CHST11: variants seen among roughly 807,000 people sequenced by gnomAD.
The protein encoded by CHST11 is C4S-1.
Under a neutral mutation model 30.4 loss-of-function variants are expected in CHST11, and 9 were observed. That is an observed-to-expected ratio of 0.30 (90% CI 0.18 to 0.52). The LOEUF is 0.52. Among genes scored for constraint, CHST11 ranks in the 20% least tolerant of loss-of-function variants. The pLI, the probability that CHST11 is intolerant of heterozygous loss-of-function variation, is 0.97. For missense variants in CHST11, 348 were observed against 460.6 expected, an observed-to-expected ratio of 0.76 and a Z score of 2.24; for synonymous variants, 152 against 187.8, an observed-to-expected ratio of 0.81 and a Z score of 1.56.
At chr12:104,727,834 C>T (rs900119089) in intron 2 of CHST11, among the ~76,000 whole-genome samples, 2 of 152,088 alleles carry the variant, frequency 1.3e-5, no homozygotes, top group African/African-American at 2.4e-5. Flanking sequence ...GATAAGGAGA[C>T]GGTTAGAGAA....
rs74476108 is a variant in CHST11, at chr12:104,477,406, C to T, written c.118+19877C>T. 2.3e-3 allele frequency among the ~76,000 whole-genome samples: 350 copies of T among 152,226 alleles called. 2 individuals carry two copies. The highest frequency in any genetic ancestry group is 7.9e-3 in the African/African-American group (328 of 41,522). On this transcript the variant is annotated intron_variant, in intron 1 of 2. Transcript: ENST00000303694. ...TCTGCAAAGCGTGGGCTGGCATCTG[C>T]GAGAAAAATTTCTTTTTGTGATTTA...
intron 1 of CHST11, among the ~76,000 whole-genome samples, chr12:104,510,398 T>G (rs935446341): frequency 6.6e-6 from 1 of 152,192 alleles, no homozygotes; most frequent in African/African-American, 2.4e-5. Flanking sequence ...AATTTATGCA[T>G]GATGAAGATA....
At chr12:104,595,503 G>A (rs145365351) in intron 1 of CHST11, among the ~76,000 whole-genome samples, 10 of 152,206 alleles carry the variant, frequency 6.6e-5, no homozygotes, top group Non-Finnish European at 1.3e-4. Flanking sequence ...ATGCCCCACC[G>A]CCCTGTGTTT....
intron 1 of CHST11, among the ~76,000 whole-genome samples, chr12:104,472,686 C>T (rs1246951283): frequency 1.3e-5 from 2 of 152,234 alleles, no homozygotes; most frequent in African/African-American, 4.8e-5. Flanking sequence ...TGTAAACACA[C>T]ATACTTCACT....
intron 2 of CHST11, among the ~76,000 whole-genome samples, chr12:104,696,482 C>CAAAAAAAAAA (rs10602668): frequency 2.1e-3 from 145 of 69,070 alleles, no homozygotes; most frequent in East Asian, 4.5e-3. Context: ...GCTAAAAATA[C>CAAAAAAAAAA]AAAAAAAAAA....
intron 2 of CHST11, among the ~76,000 whole-genome samples, chr12:104,632,047 G>T (rs1440265003): frequency 6.6e-6 from 1 of 152,198 alleles, no homozygotes; most frequent in African/African-American, 2.4e-5. Flanking sequence ...CGACTCTTTA[G>T]CAGGGAAGAC....
At chr12:104,520,098 C>T (rs549439839) in intron 1 of CHST11, among the ~76,000 whole-genome samples, 3 of 152,162 alleles carry the variant, frequency 2.0e-5, no homozygotes, top group Non-Finnish European at 4.4e-5. Context: ...CGGAACTGAT[C>T]AAAGTTGTCT....
intron 2 of CHST11, among the ~76,000 whole-genome samples, chr12:104,724,440 A>C (rs1433751877): frequency 6.6e-6 from 1 of 152,014 alleles, no homozygotes; most frequent in East Asian, 1.9e-4. Context: ...GAAGGAGAAG[A>C]TGGTACATTT....
At chr12:104,618,852 C>G (rs1566010606) in intron 2 of CHST11, among the ~76,000 whole-genome samples, 1 of 152,188 alleles carries the variant, frequency 6.6e-6, no homozygotes. Flanking sequence ...GTTTATTGCT[C>G]ATGGGACCAG....
At chr12:104,482,320 C>T (rs1031013286) in intron 1 of CHST11, among the ~76,000 whole-genome samples, 17 of 148,944 alleles carry the variant, frequency 1.1e-4, no homozygotes, top group African/African-American at 4.3e-4. Context: ...GGCTGCTGGG[C>T]CCCAGAGCCA....
chr12:104,537,406 A>T (rs2038247116), intron 1 of CHST11, among the ~76,000 whole-genome samples: 1 of 152,196 alleles, frequency 6.6e-6, no homozygotes, highest in Non-Finnish European at 1.5e-5. Context: ...AGTGGGGCCA[A>T]GCAGTTAACA....
intron 1 of CHST11, among the ~76,000 whole-genome samples, chr12:104,577,098 A>G (rs755538500): frequency 6.6e-6 from 1 of 151,972 alleles, no homozygotes; most frequent in Admixed American, 6.6e-5. Context: ...ACAAAAGACC[A>G]TGGTCACTCA....
At chr12:104,545,613 C>T (rs1247818093) in intron 1 of CHST11, among the ~76,000 whole-genome samples, 2 of 152,170 alleles carry the variant, frequency 1.3e-5, no homozygotes, top group Non-Finnish European at 2.9e-5. Context: ...CCTTGGTCAG[C>T]TCAGGCTGCT....
At chr12:104,611,953 A>T (rs968694409) in intron 2 of CHST11, among the ~76,000 whole-genome samples, 1 of 152,244 alleles carries the variant, frequency 6.6e-6, no homozygotes, top group Non-Finnish European at 1.5e-5. Context: ...TCACGGGACT[A>T]GGAAGGGATT....
At chr12:104,531,700 G>A (rs958367343) in intron 1 of CHST11, among the ~76,000 whole-genome samples, 5 of 151,976 alleles carry the variant, frequency 3.3e-5, no homozygotes, top group Non-Finnish European at 7.4e-5. Context: ...CCCTTGCTAG[G>A]ACTGGTGCAG....
chr12:104,741,839 G>A (rs933772113), intron 2 of CHST11, among the ~76,000 whole-genome samples: 5 of 152,194 alleles, frequency 3.3e-5, no homozygotes, highest in Admixed American at 6.5e-5. Context: ...ACGGGGCAGC[G>A]ATCAAGAGCA....
intron 2 of CHST11, among the ~76,000 whole-genome samples, chr12:104,677,211 C>T (rs545895075): frequency 4.6e-5 from 7 of 152,306 alleles, no homozygotes; most frequent in African/African-American, 1.7e-4. Flanking sequence ...TTTAATGTTC[C>T]TGTAATAACA....
intron 1 of CHST11, among the ~76,000 whole-genome samples, chr12:104,500,270 C>T (rs974916735): frequency 6.6e-6 from 1 of 152,196 alleles, no homozygotes; most frequent in Non-Finnish European, 1.5e-5. Context: ...ATTGCCTCTC[C>T]TCTGGCAGCC....
At chr12:104,542,825 AG>A (rs1470868600) in intron 1 of CHST11, among the ~76,000 whole-genome samples, 1 of 152,232 alleles carries the variant, frequency 6.6e-6, no homozygotes, top group African/African-American at 2.4e-5. Context: ...AAGGTGGTAA[AG>A]GGAGATGTAA....
Sources: allele counts gnomAD v4.1 joint callset (sites outside exome capture counted in the v4.1 genomes callset), GRCh38; gene constraint gnomAD v4.1.1; transcripts MANE v1.5; gene names NCBI Gene and HGNC (gene_info 2026-07-23, HGNC 2026-07-21).